PRELID3A: variants seen among roughly 807,000 people sequenced by gnomAD.
PRELID3A encodes the protein PRELI domain containing protein 3A.
A neutral mutation model predicts 23.0 loss-of-function variants in PRELID3A; 27 were observed. That is an observed-to-expected ratio of 1.17 (90% CI 0.87 to 1.62). The LOEUF (loss-of-function observed/expected upper bound fraction) is 1.62. Among genes scored for constraint, PRELID3A ranks in the 40% most tolerant of loss-of-function variants. PRELID3A has a pLI of 0.00. For synonymous variants in PRELID3A, 87 were observed against 86.4 expected, an observed-to-expected ratio of 1.01 and a Z score of -0.04; for missense variants, 231 against 231.4, an observed-to-expected ratio of 1.00 and a Z score of 0.01.
intron 1 of PRELID3A, 150 bp downstream of exon 1, chr18:12,408,157 G>C (rs1361544964): frequency 1.4e-6 from 1 of 695,654 alleles, no homozygotes. Context: ...CCGCAACTTC[G>C]GCGTCCCGGA....
chr18:12,419,197 G>C (rs1275989647), intron 1 of PRELID3A, among the ~76,000 whole-genome samples: 1 of 151,410 alleles, frequency 6.6e-6, no homozygotes, highest in Non-Finnish European at 1.5e-5. Flanking sequence ...GTGGTGGCGG[G>C]CACCTGTAGT....
At chr18:12,416,543 C>T (rs996748661) in intron 1 of PRELID3A, among the ~76,000 whole-genome samples, 14 of 152,196 alleles carry the variant, frequency 9.2e-5, no homozygotes, top group African/African-American at 3.1e-4. Context: ...GCTTGAGCTC[C>T]TAGCATCAAG....
chr18:12,414,733 C>G (rs1490132693), intron 1 of PRELID3A, among the ~76,000 whole-genome samples: 1 of 151,734 alleles, frequency 6.6e-6, no homozygotes, highest in Non-Finnish European at 1.5e-5. Context: ...TTGGTCCTCC[C>G]CCCACCCCTC....
At chr18:12,418,025 G>A (rs896930275) in intron 1 of PRELID3A, among the ~76,000 whole-genome samples, 14 of 152,174 alleles carry the variant, frequency 9.2e-5, no homozygotes, top group Non-Finnish European at 1.6e-4. Flanking sequence ...GTTCTCATCT[G>A]GGCCCTGCTG....
At chr18:12,420,122 G>A in intron 1 of PRELID3A, 1 of 1,420,758 alleles carries the variant, frequency 7.0e-7, no homozygotes, top group Non-Finnish European at 9.2e-7. Context: ...CAAAAACCAA[G>A]GGGCTGCCAG....
At chr18:12,429,841 T>C (rs909213137) in intron 6 of PRELID3A, among the ~76,000 whole-genome samples, 2 of 152,262 alleles carry the variant, frequency 1.3e-5, no homozygotes, top group African/African-American at 4.8e-5. Flanking sequence ...TGCCCACCTC[T>C]TCACTTGCCC....
intron 3 of PRELID3A, among the ~76,000 whole-genome samples, chr18:12,426,132 C>T (rs577527502): frequency 2.7e-4 from 41 of 150,094 alleles, no homozygotes; most frequent in Admixed American, 1.5e-3. Flanking sequence ...CCAGCTACTC[C>T]GGAGGCTGAG....
intron 1 of PRELID3A, among the ~76,000 whole-genome samples, chr18:12,418,285 A>C (rs1236924001): frequency 6.6e-6 from 1 of 152,224 alleles, no homozygotes; most frequent in Non-Finnish European, 1.5e-5. Flanking sequence ...AATCTACATA[A>C]CATAACCCAC....
rs1293871304 is a variant in PRELID3A at position 12,429,024 on chromosome 18, C to T, written c.466-326C>T. ...GGTGCAGGGGATGGGGTTGGGGGTG[C>T]GTGGAGGTGTCACCCTGGGCTTTCC... is the stretch of plus-strand genomic sequence containing the variant. On this transcript the variant is annotated intron_variant, in intron 5 of 6. Transcript: ENST00000440960. 3.3e-5 allele frequency among the ~76,000 whole-genome samples: 5 copies of T among 152,202 alleles called. No homozygotes were observed. In the South Asian group the frequency reaches 8.3e-4, roughly 25 times the overall value.
intron 1 of PRELID3A, among the ~76,000 whole-genome samples, chr18:12,415,334 A>T (rs1429825071): frequency 6.6e-6 from 1 of 151,520 alleles, no homozygotes; most frequent in South Asian, 2.1e-4. Context: ...TTCTTGGCTC[A>T]CAGCAACCTC....
chr18:12,408,503 G>C (rs1390759075), intron 1 of PRELID3A, among the ~76,000 whole-genome samples: 3 of 152,194 alleles, frequency 2.0e-5, no homozygotes, highest in Non-Finnish European at 4.4e-5. Flanking sequence ...GAAGCTAAAG[G>C]GGCAGAAGGC....
chr18:12,417,947 C>T (rs2030017310), intron 1 of PRELID3A, among the ~76,000 whole-genome samples: 2 of 152,158 alleles, frequency 1.3e-5, no homozygotes, highest in Non-Finnish European at 2.9e-5. Flanking sequence ...GAGAGGATTC[C>T]AGGCCAGGCC....
In PRELID3A at chr18:12,421,525, T is replaced by C; in HGVS notation, c.202-15T>C. On this transcript the variant is annotated splice_polypyrimidine_tract_variant and intron_variant, in intron 2 of 6. Transcript: ENST00000440960. ...TTTTAACGTTCCACTATGCTAGTTT[T>C]GCTTTGTTTTCTAGATTTTGGGAAC... The C allele has an allele frequency of 1.3e-6, 2 of 1,553,024 alleles. No homozygotes were observed. The highest frequency in any genetic ancestry group is 2.2e-5 in the South Asian group (2 of 89,760).
chr18:12,408,126 C>G lies in PRELID3A; in HGVS notation c.32+119C>G, dbSNP rs1909782487. The G allele has an allele frequency of 3.2e-6, 3 of 934,372 alleles. No homozygotes were observed. The South Asian group carries it at 1.6e-4, about 51-fold the overall frequency. The allele number at this position is 934,372 out of a possible 1,614,324, so 57.9% of individuals were successfully genotyped here. A position where few individuals can be genotyped will look rare whatever the true frequency, so the allele number is the denominator to read the frequency against. On this transcript the variant is annotated intron_variant, in intron 1 of 6. Coordinates refer to ENST00000440960, the MANE Select transcript of PRELID3A (RefSeq NM_001142405.2). ...CAGCGGGCCTCGCGGAGATCCCCGC[C>G]CCGCGCCGGCCGTTCCCAGACCGCA...
At chr18:12,408,030 G>T in intron 1 of PRELID3A, 23 bp downstream of exon 1, 3 of 1,257,530 alleles carry the variant, frequency 2.4e-6, no homozygotes, top group South Asian at 3.1e-5. Flanking sequence ...TGAGGGCCGC[G>T]GTGGGGCCGT....
Position 12,429,418 on chromosome 18 carries a change from G to T in PRELID3A, c.*15G>T, listed in dbSNP as rs1248554545. The T allele has an allele frequency of 3.1e-6, 5 of 1,612,320 alleles. No homozygotes were observed. The highest frequency in any genetic ancestry group is 2.2e-5 in the South Asian group (2 of 91,030). On this transcript the variant is annotated 3_prime_UTR_variant, in exon 6 of 7. Coordinates refer to ENST00000440960, the MANE Select transcript of PRELID3A (RefSeq NM_001142405.2). ...CTGTGAGCTAAGGAGGCCTGTGCCTGTGCTTGTCATAAATGGTGGTGAGTA... is the reference window on the plus strand; with the variant it reads ...CTGTGAGCTAAGGAGGCCTGTGCCTTTGCTTGTCATAAATGGTGGTGAGTA...
chr18:12,426,902 G>T, intron 3 of PRELID3A, 139 bp from the exon 4 acceptor site: 1 of 628,946 alleles, frequency 1.6e-6, no homozygotes, highest in Non-Finnish European at 2.8e-6. Context: ...AGGATTTAAT[G>T]TGGTCGTATC....
chr18:12,418,807 G>A lies in PRELID3A; in HGVS notation c.33-1518G>A, dbSNP rs142041466. 3.7e-3 allele frequency among the ~76,000 whole-genome samples: 568 copies of A among 152,292 alleles called. 2 individuals are homozygous for A. Among genetic ancestry groups the A allele is most frequent in the African/African-American group, 0.013 (539 of 41,560 alleles). Reference sequence around the variant, plus strand: ...CCCTCACTTGGCTCCCTTCAGACGTGTGTCTGACCCTGCAGGTTTCAGGCC... The same window carrying A: ...CCCTCACTTGGCTCCCTTCAGACGTATGTCTGACCCTGCAGGTTTCAGGCC... On this transcript the variant is annotated intron_variant, in intron 1 of 6. Transcript: ENST00000440960.
chr18:12,408,701 A>T (rs1325897118), intron 1 of PRELID3A, among the ~76,000 whole-genome samples: 1 of 151,524 alleles, frequency 6.6e-6, no homozygotes, highest in East Asian at 1.9e-4. Context: ...GTGCTTAAGA[A>T]TGTGTTCACA....
Sources: gnomAD v4.1 joint callset for allele counts (sites outside exome capture counted in the v4.1 genomes callset) on GRCh38, gnomAD v4.1.1 for gene constraint, MANE v1.5 for transcripts, NCBI Gene and HGNC (gene_info 2026-07-23, HGNC 2026-07-21) for gene names.